The following S100A7 variants were observed in gnomAD, a reference collection of about 807,000 sequenced individuals.
S100A7 encodes S100 calcium binding protein A7, also known as protein S100-A7.
In S100A7, 2 loss-of-function variants were observed where a neutral mutation model predicts 3.8. The observed-to-expected ratio is 0.53, with a 90% CI of 0.22 to 1.67. S100A7 has a LOEUF of 1.67. Among genes scored for constraint, S100A7 ranks in the 40% most tolerant of loss-of-function variants. The pLI is 0.20. For synonymous variants in S100A7, 55 were observed against 45.9 expected, an observed-to-expected ratio of 1.20 and a Z score of -0.80; for missense variants, 130 against 126.3, an observed-to-expected ratio of 1.03 and a Z score of -0.14.
At chr1:153,459,090 G>C (rs1663757832) in intron 1 of S100A7, 60 bp from the exon 2 acceptor site, 2 of 1,577,172 alleles carry the variant, frequency 1.3e-6, no homozygotes, top group African/African-American at 1.4e-5. Flanking sequence ...CTCTATTTGG[G>C]AGTGCTGGAA....
At chr1:153,460,516 C>CT (rs1157810278) in intron 1 of S100A7, 92 bp downstream of exon 1, 12 of 674,766 alleles carry the variant, frequency 1.8e-5, no homozygotes. Context: ...GCTTCTGAGT[C>CT]TTTGTCCACA....
In S100A7 at chr1:153,457,776, G is replaced by A; in HGVS notation, c.*30C>T. On this transcript the variant is annotated 3_prime_UTR_variant, in exon 3 of 3. Transcript: ENST00000368723. ...GGAGAAGACATTTTATTGTTCCTGG[G>A]GTCTCTGGAGGCCCATTGGTGGGGC... 6.2e-7 allele frequency: 1 copy of A among 1,610,362 alleles called. No individual in the cohort carries two copies. The highest frequency in any genetic ancestry group is 8.5e-7 in the Non-Finnish European group (1 of 1,177,894).
chr1:153,458,910 A>T lies in S100A7; in HGVS notation c.104T>A (p.Met35Lys). The T allele has an allele frequency of 6.2e-7, 1 of 1,613,954 alleles. No individual in the cohort carries two copies. Among genetic ancestry groups the T allele is most frequent in the Non-Finnish European group, 8.5e-7 (1 of 1,179,892 alleles). Reference protein sequence around the residue: ...DKIEKPSLLTMMKENFPNFLS... With the variant: ...DKIEKPSLLTKMKENFPNFLS... ...GAAGTTGGGGAAGTTCTCCTTCATCATCGTCAGCAGGCTTGGCTTCTCAAT... is the reference window on the plus strand; with the variant it reads ...GAAGTTGGGGAAGTTCTCCTTCATCTTCGTCAGCAGGCTTGGCTTCTCAAT... The change falls in exon 2 of 3, where the codon ATG (methionine) becomes AAG (lysine). Residue 35 changes from methionine to lysine, a missense_variant. Physicochemically the swap from Met to Lys is moderately conservative, Grantham distance 95 (BLOSUM62 -1). Coordinates refer to ENST00000368723, the MANE Select transcript of S100A7 (RefSeq NM_002963.4).
At chr1:153,459,986 C>A (rs1663789277) in intron 1 of S100A7, 1 of 152,390 alleles carries the variant, frequency 6.6e-6, no homozygotes, top group Admixed American at 6.5e-5. Flanking sequence ...CCTCTCAATG[C>A]AGGAGAAAGC....
At position 153,460,626 on chromosome 1, in the gene S100A7, C is replaced by T. The variant is rs563241840; in HGVS notation, c.-36G>A. Reference sequence around the variant, plus strand: ...GACTTACCAGAGCTGGGAAGCGTCACGAGTAGAAGGATGAGTGAGATGTGT... The same window carrying T: ...GACTTACCAGAGCTGGGAAGCGTCATGAGTAGAAGGATGAGTGAGATGTGT... On this transcript the variant is annotated 5_prime_UTR_variant, in exon 1 of 3. The change creates a new upstream start codon in the 5' untranslated region. Coordinates refer to ENST00000368723, the MANE Select transcript of S100A7 (RefSeq NM_002963.4). 3.0e-4 allele frequency: 363 copies of T among 1,197,396 alleles called. 3 individuals carry two copies. The South Asian group carries it at 4.0e-3, about 13-fold the overall frequency. The allele number at this position is 1,197,396 out of a possible 1,614,324, so 74.2% of individuals were successfully genotyped here.
rs962731298 is a variant in S100A7, at chr1:153,459,097, G to A, written c.-17-67C>T. On this transcript the variant is annotated intron_variant, in intron 1 of 2. Coordinates refer to ENST00000368723, the MANE Select transcript of S100A7 (RefSeq NM_002963.4). ...GTTAGGGTCTCTATTTGGGAGTGCT[G>A]GAAGGAGGGCTGAGGACAGAGTAAA... 2.6e-6 allele frequency: 4 copies of A among 1,561,056 alleles called. No individual in the cohort carries two copies. The East Asian group carries it at 6.7e-5, about 26-fold the overall frequency.
At position 153,458,333 on chromosome 1, in the gene S100A7, CT is replaced by C. The variant is rs1206731594; in HGVS notation, c.142-364del. On this transcript the variant is annotated intron_variant, in intron 2 of 2. Coordinates refer to ENST00000368723, the MANE Select transcript of S100A7 (RefSeq NM_002963.4). ...CAGGGCCTCAAAATTGGCCCTCATGCTTTTGTTCTCTTCTTTCTCTGGCCTC... is the reference window on the plus strand; with the variant it reads ...CAGGGCCTCAAAATTGGCCCTCATGCTTTGTTCTCTTCTTTCTCTGGCCTC... Among the ~76,000 whole-genome samples, 4 of 152,142 alleles carry C rather than the reference CT, an allele frequency of 2.6e-5. No homozygotes were observed. In the East Asian group the frequency reaches 5.8e-4, roughly 22 times the overall value.
At chr1:153,458,623 G>T (rs564304998) in intron 2 of S100A7, among the ~76,000 whole-genome samples, 2 of 152,300 alleles carry the variant, frequency 1.3e-5, no homozygotes, top group South Asian at 4.1e-4. Flanking sequence ...GTCAGTGAGT[G>T]CTGGGAGGGG....
Position 153,457,780 on chromosome 1 carries a change from T to C in S100A7, c.*26A>G. On this transcript the variant is annotated 3_prime_UTR_variant, in exon 3 of 3. Transcript: ENST00000368723. ...AAGACATTTTATTGTTCCTGGGGTC[T>C]CTGGAGGCCCATTGGTGGGGCTGGG... The C allele has an allele frequency of 6.2e-7, 1 of 1,610,636 alleles. No homozygotes were observed. The highest frequency in any genetic ancestry group is 8.5e-7 in the Non-Finnish European group (1 of 1,178,158).
intron 2 of S100A7, among the ~76,000 whole-genome samples, 162 bp from the exon 3 acceptor site, chr1:153,458,132 C>T (rs1341382090): frequency 4.6e-5 from 7 of 152,106 alleles, no homozygotes; most frequent in Middle Eastern, 6.8e-3. Context: ...GGGGTGAGGA[C>T]GTGAGTGTTA....
rs747673718 is a variant in S100A7, at chr1:153,458,903, C to T, written c.111G>A (p.Lys37=). 4.3e-6 allele frequency: 7 copies of T among 1,613,798 alleles called. No individual in the cohort carries two copies. The highest frequency in any genetic ancestry group is 5.1e-6 in the Non-Finnish European group (6 of 1,179,886). ...IEKPSLLTMM[K]ENFPNFLSAC... is the part of the protein sequence containing the mutation. ...CACTAAGGAAGTTGGGGAAGTTCTC[C>T]TTCATCATCGTCAGCAGGCTTGGCT... is the stretch of plus-strand genomic sequence containing the variant. Residue 37 remains lysine (K), a synonymous_variant, in exon 2 of 3, where the codon AAG becomes AAA. Coordinates refer to ENST00000368723, the MANE Select transcript of S100A7 (RefSeq NM_002963.4).
chr1:153,459,482 C>G (rs570832864), intron 1 of S100A7, among the ~76,000 whole-genome samples: 1 of 152,190 alleles, frequency 6.6e-6, no homozygotes, highest in Admixed American at 6.5e-5. Flanking sequence ...TGACCCTCCT[C>G]GGCTGCTTCA....
rs1363398885 is a variant in S100A7, at chr1:153,457,858, T to G, written c.254A>C (p.Asp85Ala). The G allele has an allele frequency of 4.3e-6, 7 of 1,614,046 alleles. No homozygotes were observed. Among genetic ancestry groups the G allele is most frequent in the African/African-American group, 1.3e-5 (1 of 74,906 alleles). ...FLSLLGDIAT[D>A]YHKQSHGAAP... ...TGCTCCATGGCTCTGCTTGTGGTAG[T>G]CTGTGGCTATGTCTCCCAGCAAGGA... Residue 85 changes from aspartate (D) to alanine (A), a missense_variant, in exon 3 of 3, where the codon GAC becomes GCC. Transcript: ENST00000368723.
chr1:153,459,845 G>A (rs1663785000), intron 1 of S100A7: 1 of 152,236 alleles, frequency 6.6e-6, no homozygotes, highest in Admixed American at 6.5e-5. Flanking sequence ...TCAGCCAGTA[G>A]TCAGTCTGGG....
In S100A7 at chr1:153,458,062, T is replaced by A. The variant is rs537446148; in HGVS notation, c.142-92A>T. 54 of 1,400,690 alleles carry A rather than the reference T, an allele frequency of 3.9e-5. No individual in the cohort carries two copies. In the African/African-American group the frequency reaches 6.8e-4, roughly 18 times the overall value. The allele number at this position is 1,400,690 out of a possible 1,614,324, so 86.8% of individuals were successfully genotyped here. ...AGGAGGAGGCAGAGATACAGACAAGTACCTAGATCTGCACAGGCATGGTGG... is the reference window on the plus strand; with the variant it reads ...AGGAGGAGGCAGAGATACAGACAAGAACCTAGATCTGCACAGGCATGGTGG... On this transcript the variant is annotated intron_variant, in intron 2 of 2. Transcript: ENST00000368723.
At chr1:153,460,084 G>C (rs748620703) in intron 1 of S100A7, among the ~76,000 whole-genome samples, 11 of 152,236 alleles carry the variant, frequency 7.2e-5, no homozygotes, top group Non-Finnish European at 1.2e-4. Context: ...TGCCCAGAGG[G>C]TGACTGACAA....
At position 153,457,815 on chromosome 1, in the gene S100A7, G is replaced by T. The variant is rs1260526092; in HGVS notation, c.297C>A (p.Gly99=). Residue 99 remains glycine, a synonymous_variant, in exon 3 of 3, where the codon GGC becomes GGA. Transcript: ENST00000368723. ...CATTGGTGGGGCTGGGTCACTGGCT[G>T]CCCCCGGAACAGGGCGCTGCTCCAT... The part of the protein sequence containing the change: ...QSHGAAPCSG[G]SQ 3.7e-6 allele frequency: 6 copies of T among 1,613,872 alleles called. No homozygotes were observed. The highest frequency in any genetic ancestry group is 5.1e-6 in the Non-Finnish European group (6 of 1,179,944).
rs770147816 is a variant in S100A7 at position 153,458,904 on chromosome 1, T to C, written c.110A>G (p.Lys37Arg). ...IEKPSLLTMM[K>R]ENFPNFLSAC... ...ACTAAGGAAGTTGGGGAAGTTCTCC[T>C]TCATCATCGTCAGCAGGCTTGGCTT... Residue 37 changes from lysine (K) to arginine (R), a missense_variant, in exon 2 of 3, where the codon AAG becomes AGG. Lys to Arg is a conservative substitution (Grantham distance 26, BLOSUM62 2). Transcript: ENST00000368723. 5 of 1,613,842 alleles carry C rather than the reference T, an allele frequency of 3.1e-6. No homozygotes were observed. In the East Asian group the frequency reaches 8.9e-5, roughly 29 times the overall value.
Position 153,458,991 on chromosome 1 carries a change from C to A in S100A7, c.23G>T (p.Arg8Met). 1 of 1,613,908 alleles carries A rather than the reference C, an allele frequency of 6.2e-7. No homozygotes were observed. The highest frequency in any genetic ancestry group is 8.5e-7 in the Non-Finnish European group (1 of 1,179,934). Reference sequence around the variant, plus strand: ...CATGTCGATCATGCCTATTATGGACCTCTCAGCTTGAGTGTTGCTCATCTT... The same window carrying A: ...CATGTCGATCATGCCTATTATGGACATCTCAGCTTGAGTGTTGCTCATCTT... MSNTQAE[R>M]SIIGMIDMFH... Residue 8 changes from arginine (R) to methionine (M), a missense_variant, in exon 2 of 3, where the codon AGG (arginine) becomes ATG (methionine). By Grantham distance (91) the Arg-to-Met change is moderately conservative. Transcript: ENST00000368723.
Sources: allele counts gnomAD v4.1 joint callset (sites outside exome capture counted in the v4.1 genomes callset), GRCh38; gene constraint gnomAD v4.1.1; transcripts MANE v1.5; gene names NCBI Gene and HGNC (gene_info 2026-07-23, HGNC 2026-07-21).